The following MYO16 variants were observed in gnomAD, a reference collection of about 807,000 sequenced individuals.
The protein encoded by MYO16 is myosin XVI.
Under a neutral mutation model 205.3 loss-of-function variants are expected in MYO16, and 94 were observed. The observed-to-expected ratio is 0.46, with a 90% CI of 0.39 to 0.54. The LOEUF (loss-of-function observed/expected upper bound fraction) is 0.54. Among genes scored for constraint, MYO16 ranks in the 20% least tolerant of loss-of-function variants. The probability of loss-of-function intolerance (pLI) is 0.00; values close to 1 mark genes in which losing one functional copy is unlikely to be tolerated. For synonymous variants in MYO16, 988 were observed against 954.0 expected (o/e 1.04, Z -0.66); for missense variants, 2,315 against 2,387.5 (o/e 0.97, Z 0.63).
chr13:108,659,659 T>C (rs961755837), intron 1 of MYO16, among the ~76,000 whole-genome samples: 2 of 152,146 alleles, frequency 1.3e-5, no homozygotes, highest in African/African-American at 4.8e-5. Context: ...AGAGCAGGAC[T>C]AAGCATTTAT....
chr13:108,723,244 T>G (rs913484387), intron 3 of MYO16, among the ~76,000 whole-genome samples: 2 of 52,770 alleles, frequency 3.8e-5, no homozygotes, highest in Non-Finnish European at 7.3e-5. Context: ...TCTTTGTATA[T>G]TCTTGATAAA....
the MYO16 span, among the ~76,000 whole-genome samples, chr13:108,498,067 A>C: frequency 6.6e-6 from 1 of 152,208 alleles, no homozygotes; most frequent in Non-Finnish European, 1.5e-5. Context: ...GTGTTAAAAC[A>C]TTTGCATAAG....
intron 20 of MYO16, among the ~76,000 whole-genome samples, chr13:108,984,960 G>C (rs1191810227): frequency 1.3e-5 from 2 of 152,160 alleles, no homozygotes; most frequent in Non-Finnish European, 2.9e-5. Flanking sequence ...AGTAAGGAAA[G>C]AAGTCTCTTA....
chr13:108,500,215 TTTTTTGTTTTTTTTTTGTTTTTTTTG>T, the MYO16 span, among the ~76,000 whole-genome samples: 560 of 6,230 alleles, frequency 0.09, 107 homozygotes, highest in Non-Finnish European at 0.36. Context: ...TGTTTTTTTT[TTTTTTGTTTTTTTTTTGTTTTTTTTG>T]TTTTTTTTTT....
chr13:108,714,498 G>A (rs554304445), intron 3 of MYO16, among the ~76,000 whole-genome samples: 1 of 152,072 alleles, frequency 6.6e-6, no homozygotes, highest in Non-Finnish European at 1.5e-5. Flanking sequence ...GTGTGAGAGA[G>A]AAAGAGGAAG....
At chr13:108,737,313 T>C (rs1884738762) in intron 4 of MYO16, among the ~76,000 whole-genome samples, 1 of 152,212 alleles carries the variant, frequency 6.6e-6, no homozygotes, top group African/African-American at 2.4e-5. Flanking sequence ...CTACATCCCA[T>C]CAATACCTAA....
intron 20 of MYO16, among the ~76,000 whole-genome samples, chr13:108,987,052 A>G (rs1266834846): frequency 6.6e-6 from 1 of 152,166 alleles, no homozygotes; most frequent in Non-Finnish European, 1.5e-5. Flanking sequence ...TCCAGTGTTG[A>G]CCTACATCCT....
At chr13:108,544,345 T>TA in the MYO16 span, among the ~76,000 whole-genome samples, 2 of 152,154 alleles carry the variant, frequency 1.3e-5, no homozygotes, top group East Asian at 1.9e-4. Context: ...CACTGAGCCA[T>TA]ATTTTACTTT....
intron 4 of MYO16, among the ~76,000 whole-genome samples, chr13:108,748,334 T>C (rs1885127866): frequency 6.6e-6 from 1 of 151,978 alleles, no homozygotes; most frequent in Non-Finnish European, 1.5e-5. Flanking sequence ...CTTATCAAAA[T>C]GTATGGGATG....
chr13:109,068,335 G>A (rs1163617092), intron 27 of MYO16, among the ~76,000 whole-genome samples: 3 of 152,146 alleles, frequency 2.0e-5, no homozygotes, highest in Middle Eastern at 3.2e-3. Context: ...TAGGAAGTGG[G>A]AAAGGTTAGA....
At chr13:108,874,344 A>G (rs775868939) in intron 12 of MYO16, among the ~76,000 whole-genome samples, 2 of 152,218 alleles carry the variant, frequency 1.3e-5, no homozygotes, top group African/African-American at 2.4e-5. Context: ...ATTTAGAGAA[A>G]TACGCCATGC....
At chr13:108,546,361 G>A in the MYO16 span, among the ~76,000 whole-genome samples, 3 of 152,220 alleles carry the variant, frequency 2.0e-5, no homozygotes, top group Middle Eastern at 3.4e-3. Flanking sequence ...TAGGGCAGTT[G>A]GTTTTAAGGG....
At chr13:108,660,195 G>A (rs1881440892) in intron 1 of MYO16, among the ~76,000 whole-genome samples, 1 of 152,218 alleles carries the variant, frequency 6.6e-6, no homozygotes. Context: ...AGGAATTGAA[G>A]TGTTTTTCAG....
At chr13:108,826,267 T>G (rs1876259413) in intron 9 of MYO16, among the ~76,000 whole-genome samples, 1 of 152,080 alleles carries the variant, frequency 6.6e-6, no homozygotes, top group South Asian at 2.1e-4. Flanking sequence ...AAAGAACCCC[T>G]TACATTTCTG....
chr13:109,056,615 G>A (rs1264222579), intron 27 of MYO16, among the ~76,000 whole-genome samples: 2 of 152,064 alleles, frequency 1.3e-5, no homozygotes, highest in African/African-American at 4.8e-5. Flanking sequence ...GCCATTCAGT[G>A]CTTGTAATAT....
chr13:109,156,391 A>G (rs530832355), intron 32 of MYO16, among the ~76,000 whole-genome samples: 7 of 152,324 alleles, frequency 4.6e-5, no homozygotes, highest in Middle Eastern at 3.4e-3. Context: ...AGCCTTTCTG[A>G]AGAGGAATTT....
At position 109,011,856 on chromosome 13, in the gene MYO16, C is replaced by T. The variant is rs191959794; in HGVS notation, c.2595+2807C>T. Among the ~76,000 whole-genome samples the T allele has an allele frequency of 2.0e-5, 3 of 152,154 alleles. No individual in the cohort carries two copies. The East Asian group carries it at 5.8e-4, about 29-fold the overall frequency. Reference sequence around the variant, plus strand: ...GCAGGAGACTCTGAAAGGCCTAAAACAATTAAAATATTTAAGACACAAAGA... The same window carrying T: ...GCAGGAGACTCTGAAAGGCCTAAAATAATTAAAATATTTAAGACACAAAGA... On this transcript the variant is annotated intron_variant, in intron 22 of 34. Coordinates refer to ENST00000457511, the MANE Select transcript of MYO16 (RefSeq NM_001198950.3).
intron 32 of MYO16, among the ~76,000 whole-genome samples, chr13:109,163,382 G>A (rs774599270): frequency 3.9e-5 from 6 of 152,136 alleles, no homozygotes; most frequent in Non-Finnish European, 7.4e-5. Flanking sequence ...AGGAGATAAT[G>A]TCAAGGTAGG....
At chr13:109,013,086 G>GTA (rs1225467681) in intron 22 of MYO16, among the ~76,000 whole-genome samples, 1 of 138,326 alleles carries the variant, frequency 7.2e-6, no homozygotes, top group Non-Finnish European at 1.5e-5. Flanking sequence ...TTTACATTAG[G>GTA]TATTTCTCCT....
Sources: allele counts gnomAD v4.1 joint callset (sites outside exome capture counted in the v4.1 genomes callset), GRCh38; gene constraint gnomAD v4.1.1; transcripts MANE v1.5; gene names NCBI Gene and HGNC (gene_info 2026-07-23, HGNC 2026-07-21).